Variants in RO60 observed in about 807,000 individuals in gnomAD.
RO60 encodes Ro60, Y RNA binding protein, also known as RNA-binding protein RO60.
Under a neutral mutation model 55.3 loss-of-function variants are expected in RO60, and 20 were observed. That is an observed-to-expected ratio of 0.36 (90% confidence interval 0.25 to 0.53). The LOEUF is 0.53. RO60 is among the 20% of genes least tolerant of loss of function. RO60 has a pLI of 0.92. For synonymous variants in RO60, 213 were observed against 213.6 expected, an observed-to-expected ratio of 1.00 and a Z score of 0.02; for missense variants, 558 against 646.6, an observed-to-expected ratio of 0.86 and a Z score of 1.49.
intron 1 of RO60, among the ~76,000 whole-genome samples, chr1:193,068,485 G>T (rs998238265): frequency 6.6e-6 from 1 of 152,212 alleles, no homozygotes; most frequent in South Asian, 2.1e-4. Context: ...AGAGAAGGGG[G>T]AAGAATGAAT....
At position 193,086,011 on chromosome 1, in the gene RO60, G is replaced by C. The variant is rs746571732; in HGVS notation, c.*1280G>C. 2 of 985,190 alleles carry C rather than the reference G, an allele frequency of 2.0e-6. No homozygotes were observed. The highest frequency in any genetic ancestry group is 2.4e-6 in the Non-Finnish European group (2 of 829,818). The allele number at this position is 985,190 out of a possible 1,614,324, so 61.0% of individuals were successfully genotyped here. On this transcript the variant is annotated 3_prime_UTR_variant, in exon 9 of 9. Coordinates refer to ENST00000400968, the MANE Select transcript of RO60 (RefSeq NM_001173524.2). ...TTATCTTTGCTCATAATTTTATTAT[G>C]GCCGTCTAAGGTAGCTTACACATAA...
chr1:193,071,402 T>C (rs944375834), intron 2 of RO60, among the ~76,000 whole-genome samples: 2 of 152,252 alleles, frequency 1.3e-5, no homozygotes, highest in Non-Finnish European at 2.9e-5. Context: ...AAGTATATTA[T>C]TGCTATTGCT....
In RO60 at chr1:193,085,941, CCTT is replaced by C. The variant is rs1674605774; in HGVS notation, c.*1212_*1214del. 1 of 984,884 alleles carries C rather than the reference CCTT, an allele frequency of 1.0e-6. No individual in the cohort carries two copies. Among genetic ancestry groups the C allele is most frequent in the African/African-American group, 1.7e-5 (1 of 57,184 alleles). 61.0% of individuals were successfully genotyped at this position (984,884 alleles called of 1,614,324 possible). A position where few individuals can be genotyped will look rare whatever the true frequency, so the allele number is the denominator to read the frequency against. On this transcript the variant is annotated 3_prime_UTR_variant, in exon 9 of 9. Coordinates refer to ENST00000400968, the MANE Select transcript of RO60 (RefSeq NM_001173524.2). ...GTGCATTATTTTATTGAGCAAGTAT[CCTT>C]CATTGTGAGGTTTAACATTAAAGCA...
chr1:193,081,435 G>T lies in RO60; in HGVS notation c.1158G>T (p.Leu386Phe). 1 of 1,611,102 alleles carries T rather than the reference G, an allele frequency of 6.2e-7. No homozygotes were observed. The highest frequency in any genetic ancestry group is 1.1e-5 in the South Asian group (1 of 90,564). ...DVSASMNQRV[L>F]GSILNASTVA... ...GTGCTTCTATGAACCAAAGAGTTTT[G>T]GGTAGTATACTCAACGCTAGTACAG... The change falls in exon 6 of 9, where the codon TTG becomes TTT. Residue 386 changes from leucine to phenylalanine, a missense_variant. Transcript: ENST00000400968.
chr1:193,074,128 G>A (rs1454739988), intron 2 of RO60, among the ~76,000 whole-genome samples: 3 of 152,116 alleles, frequency 2.0e-5, no homozygotes, highest in African/African-American at 7.3e-5. Flanking sequence ...TCTTAATCCA[G>A]TCTATCATTG....
chr1:193,079,032 A>G (rs1484432305), intron 5 of RO60, among the ~76,000 whole-genome samples: 1 of 151,826 alleles, frequency 6.6e-6, no homozygotes, highest in Non-Finnish European at 1.5e-5. Flanking sequence ...CATATAGACC[A>G]ATGAAATAGA....
rs1454798319 is a variant in RO60, at chr1:193,081,539, TATA to T, written c.1203+61_1203+63del. ...AAACATGTTTACTGTAGAGCAAAAC[TATA>T]AGATTAATAATGATTAAGAATTATG... On this transcript the variant is annotated intron_variant, in intron 6 of 8. Coordinates refer to ENST00000400968, the MANE Select transcript of RO60 (RefSeq NM_001173524.2). 3.4e-6 allele frequency: 3 copies of T among 889,164 alleles called. No individual in the cohort carries two copies. In the African/African-American group the frequency reaches 5.0e-5, roughly 15 times the overall value. The allele number at this position is 889,164 out of a possible 1,614,324, so 55.1% of individuals were successfully genotyped here.
At chr1:193,062,813 A>C (rs1484525020) in intron 1 of RO60, among the ~76,000 whole-genome samples, 1 of 152,180 alleles carries the variant, frequency 6.6e-6, no homozygotes, top group East Asian at 1.9e-4. Flanking sequence ...GGCTTCTTTG[A>C]CTTGGCATAA....
At chr1:193,073,213 T>C (rs993155713) in intron 2 of RO60, among the ~76,000 whole-genome samples, 10 of 152,150 alleles carry the variant, frequency 6.6e-5, no homozygotes, top group African/African-American at 2.4e-4. Context: ...CAGGAAACAT[T>C]TACTCATTTA....
Position 193,085,362 on chromosome 1 carries a change from T to A in RO60, c.*631T>A. 3.0e-6 allele frequency: 3 copies of A among 996,848 alleles called. No individual in the cohort carries two copies. The highest frequency in any genetic ancestry group is 3.6e-6 in the Non-Finnish European group (3 of 837,232). The allele number at this position is 996,848 out of a possible 1,614,324, so 61.8% of individuals were successfully genotyped here. ...TGATGTTTTATTTGCACTTGTGGAA[T>A]ATGTTACCATTAATCAGAAACATCA... On this transcript the variant is annotated 3_prime_UTR_variant, in exon 9 of 9. Coordinates refer to ENST00000400968, the MANE Select transcript of RO60 (RefSeq NM_001173524.2).
chr1:193,078,759 T>C (rs893537914), intron 5 of RO60, among the ~76,000 whole-genome samples: 6 of 152,184 alleles, frequency 3.9e-5, no homozygotes, highest in Non-Finnish European at 8.8e-5. Context: ...TGTTTACAGA[T>C]TGGAAGACTT....
rs1168394018 is a variant in RO60, at chr1:193,084,716, A to G, written c.1602A>G (p.Thr534=). ...CTCTGGATGTAATTCGAAATTTCAC[A>G]TTAGATATGATTTAACCATAAGCAG... The part of the protein sequence containing the change: ...TGALDVIRNF[T]LDMI The change falls in exon 9 of 9, where the codon ACA becomes ACG. Residue 534 remains threonine, a synonymous_variant. Coordinates refer to ENST00000400968, the MANE Select transcript of RO60 (RefSeq NM_001173524.2). 6.2e-7 allele frequency: 1 copy of G among 1,612,662 alleles called. No homozygotes were observed. The highest frequency in any genetic ancestry group is 8.5e-7 in the Non-Finnish European group (1 of 1,179,556).
intron 1 of RO60, among the ~76,000 whole-genome samples, chr1:193,065,844 C>T (rs116457173): frequency 1.7e-4 from 26 of 152,206 alleles, no homozygotes; most frequent in African/African-American, 5.5e-4. Context: ...TTTATACTAG[C>T]GTCTTATTTG....
chr1:193,060,071 G>T, intron 1 of RO60: 1 of 1,305,432 alleles, frequency 7.7e-7, no homozygotes, highest in Non-Finnish European at 1.0e-6. Context: ...GGCCGACGTC[G>T]AGAGGGCCTG....
rs569517187 is a variant in RO60 at position 193,070,335 on chromosome 1, T to C, written c.580+701T>C. ...GAACTTAACAATTCAGGAAGTTAAT[T>C]GTCTTCAGGCAGTTAGTCAGGGGAC... is the stretch of plus-strand genomic sequence containing the variant. On this transcript the variant is annotated intron_variant, in intron 2 of 8. Transcript: ENST00000400968. Among the ~76,000 whole-genome samples the C allele has an allele frequency of 5.9e-5, 9 of 152,262 alleles. No individual in the cohort carries two copies. The East Asian group carries it at 1.7e-3, about 29-fold the overall frequency.
rs1361819317 is a variant in RO60 at position 193,060,196 on chromosome 1, A to G, written c.-22+420A>G. 3 of 974,020 alleles carry G rather than the reference A, an allele frequency of 3.1e-6. No homozygotes were observed. The Admixed American group carries it at 1.1e-4, about 36-fold the overall frequency. The allele number at this position is 974,020 out of a possible 1,614,324, so 60.3% of individuals were successfully genotyped here. On this transcript the variant is annotated intron_variant, in intron 1 of 8. Coordinates refer to ENST00000400968, the MANE Select transcript of RO60 (RefSeq NM_001173524.2). ...TGGGAAGACAGGGTGAATTTATCAC[A>G]GAGGAATAACGAGGGAGAGGAGAAA...
rs536956835 is a variant in RO60 at position 193,067,480 on chromosome 1, C to T, written c.-21-1554C>T. Among the ~76,000 whole-genome samples the T allele has an allele frequency of 1.4e-4, 22 of 152,070 alleles. 1 individual carries two copies. Among genetic ancestry groups the T allele is most frequent in the Admixed American group, 2.6e-4 (4 of 15,280 alleles). ...GATTACAGGCGTGAGCCACTGTGCC[C>T]GGCCCAAATTTTTTTTTTTTAGTCT... On this transcript the variant is annotated intron_variant, in intron 1 of 8. Coordinates refer to ENST00000400968, the MANE Select transcript of RO60 (RefSeq NM_001173524.2).
In RO60 at chr1:193,069,506, C is replaced by T; in HGVS notation, c.452C>T (p.Ala151Val). ...CGMWGRALRK[A>V]IADWYNEKGG... is the part of the protein sequence containing the mutation. ...ATGTGGGGTCGTGCCCTCCGGAAGGCTATAGCGGACTGGTACAATGAGAAA... is the reference window on the plus strand; with the variant it reads ...ATGTGGGGTCGTGCCCTCCGGAAGGTTATAGCGGACTGGTACAATGAGAAA... The change falls in exon 2 of 9, where the codon GCT becomes GTT. Residue 151 changes from alanine to valine, a missense_variant. Ala to Val is a moderately conservative substitution (Grantham distance 64). Coordinates refer to ENST00000400968, the MANE Select transcript of RO60 (RefSeq NM_001173524.2). 1 of 1,614,190 alleles carries T rather than the reference C, an allele frequency of 6.2e-7. No individual in the cohort carries two copies. The highest frequency in any genetic ancestry group is 1.1e-5 in the South Asian group (1 of 91,086).
At position 193,081,472 on chromosome 1, in the gene RO60, A is replaced by G. The variant is rs1306616345; in HGVS notation, c.1195A>G (p.Met399Val). Residue 399 changes from methionine to valine, a missense_variant, in exon 6 of 9, where the codon ATG becomes GTG. Transcript: ENST00000400968. ...ILNASTVAAAMCMVVTRTEKD... is the reference protein window; with the variant it reads ...ILNASTVAAAVCMVVTRTEKD... ...CAACGCTAGTACAGTTGCTGCAGCA[A>G]TGTGCATGGTGAGAACACCTAAGAC... The G allele has an allele frequency of 6.2e-7, 1 of 1,601,324 alleles. No individual in the cohort carries two copies. Among genetic ancestry groups the G allele is most frequent in the Admixed American group, 1.7e-5 (1 of 59,812 alleles).
Sources: gnomAD v4.1 joint callset for allele counts (sites outside exome capture counted in the v4.1 genomes callset) on GRCh38, gnomAD v4.1.1 for gene constraint, MANE v1.5 for transcripts, NCBI Gene and HGNC (gene_info 2026-07-23, HGNC 2026-07-21) for gene names.